The following BBX variants were observed in gnomAD, a reference collection of about 807,000 sequenced individuals.
BBX encodes BBX high mobility group box domain containing.
In BBX, 30 loss-of-function variants were observed where a neutral mutation model predicts 100.2. That is an observed-to-expected ratio of 0.30 (90% CI 0.22 to 0.41). The LOEUF (loss-of-function observed/expected upper bound fraction) is 0.41. BBX is among the 10% of genes least tolerant of loss of function. BBX has a pLI of 1.00. For missense variants in BBX, 1,023 were observed against 1,129.8 expected (o/e 0.91, Z 1.35); for synonymous variants, 376 against 388.1 (o/e 0.97, Z 0.37).
At chr3:107,568,359 G>A (rs2051083389) in intron 2 of BBX, among the ~76,000 whole-genome samples, 1 of 150,326 alleles carries the variant, frequency 6.7e-6, no homozygotes, top group Non-Finnish European at 1.5e-5. Context: ...CCACCTCCCA[G>A]ATTCACGCCA....
chr3:107,596,132 G>A (rs964895822), intron 2 of BBX, among the ~76,000 whole-genome samples: 2 of 152,062 alleles, frequency 1.3e-5, no homozygotes, highest in Admixed American at 6.6e-5. Flanking sequence ...TTGTTTAAGG[G>A]TCAACTGTAT....
intron 2 of BBX, among the ~76,000 whole-genome samples, chr3:107,642,863 A>G (rs1386286437): frequency 1.3e-5 from 2 of 151,918 alleles, no homozygotes; most frequent in Non-Finnish European, 1.5e-5. Flanking sequence ...AATGACTTTT[A>G]TTGAGCTTGA....
intron 2 of BBX, among the ~76,000 whole-genome samples, chr3:107,581,140 G>A (rs984946368): frequency 1.3e-5 from 2 of 151,954 alleles, no homozygotes; most frequent in Non-Finnish European, 2.9e-5. Flanking sequence ...TTTAAACCAA[G>A]CTTTTAATTT....
intron 2 of BBX, among the ~76,000 whole-genome samples, chr3:107,579,704 A>G (rs2052121114): frequency 6.6e-6 from 1 of 152,208 alleles, no homozygotes; most frequent in African/African-American, 2.4e-5. Flanking sequence ...CAGAAAGAAG[A>G]CGTTAAAGGA....
chr3:107,687,149 G>A (rs1027039910), intron 3 of BBX, among the ~76,000 whole-genome samples: 3 of 152,090 alleles, frequency 2.0e-5, no homozygotes, highest in African/African-American at 7.2e-5. Flanking sequence ...TAAAATGTCA[G>A]AAGTTAAAAA....
intron 2 of BBX, among the ~76,000 whole-genome samples, chr3:107,562,523 C>G: frequency 6.6e-6 from 1 of 151,824 alleles, no homozygotes; most frequent in East Asian, 1.9e-4. Flanking sequence ...TTAGTTTTGA[C>G]AGGTTAACTG....
chr3:107,604,232 G>A (rs1440062626), intron 2 of BBX, among the ~76,000 whole-genome samples: 7 of 152,122 alleles, frequency 4.6e-5, no homozygotes, highest in Admixed American at 1.3e-4. Context: ...CATTCCTAGT[G>A]CTATAGCAGC....
chr3:107,719,958 A>G (rs1158636583), intron 5 of BBX, among the ~76,000 whole-genome samples: 1 of 152,040 alleles, frequency 6.6e-6, no homozygotes, highest in Non-Finnish European at 1.5e-5. Flanking sequence ...AACAGAGTAC[A>G]AAGAGGAGGG....
chr3:107,763,283 G>A (rs1194175075), intron 10 of BBX, among the ~76,000 whole-genome samples: 1 of 150,342 alleles, frequency 6.7e-6, no homozygotes, highest in Non-Finnish European at 1.5e-5. Flanking sequence ...GGAGTGCGGT[G>A]GCGCGATCTC....
chr3:107,532,673 T>C (rs1182765156), intron 2 of BBX, among the ~76,000 whole-genome samples: 1 of 152,142 alleles, frequency 6.6e-6, no homozygotes, highest in Non-Finnish European at 1.5e-5. Flanking sequence ...AGACTACAGG[T>C]ATCAGGGTTT....
In BBX at chr3:107,809,688, A is replaced by G. The variant is rs2071215365; in HGVS notation, c.*4231A>G. 1 of 152,262 alleles carries G rather than the reference A, an allele frequency of 6.6e-6. No homozygotes were observed. Among genetic ancestry groups the G allele is most frequent in the Admixed American group, 6.5e-5 (1 of 15,292 alleles). 9.4% of individuals were successfully genotyped at this position (152,262 alleles called of 1,614,324 possible). ...CAATGTATTGCTGAAAATGGGCAGT[A>G]GAAGCAAATGCTGTTGTTACATTTG... On this transcript the variant is annotated 3_prime_UTR_variant, in exon 18 of 18. Transcript: ENST00000325805.
chr3:107,791,677 C>A (rs185418454), intron 15 of BBX, among the ~76,000 whole-genome samples: 2 of 152,274 alleles, frequency 1.3e-5, no homozygotes, highest in East Asian at 3.9e-4. Flanking sequence ...GCAGGAGTAA[C>A]TTCTGACCTG....
At chr3:107,566,261 T>A (rs2050907159) in intron 2 of BBX, among the ~76,000 whole-genome samples, 1 of 151,452 alleles carries the variant, frequency 6.6e-6, no homozygotes, top group Non-Finnish European at 1.5e-5. Context: ...TGTAGTGAAT[T>A]CCATTGATAA....
At chr3:107,749,881 G>A (rs182013505) in intron 9 of BBX, among the ~76,000 whole-genome samples, 2 of 152,132 alleles carry the variant, frequency 1.3e-5, no homozygotes, top group East Asian at 3.9e-4. Flanking sequence ...TGATCCGCCC[G>A]CCTCGGCCTT....
Position 107,553,919 on chromosome 3 carries a change from T to C in BBX, c.-84+27521T>C, listed in dbSNP as rs185837332. On this transcript the variant is annotated intron_variant, in intron 2 of 17. Transcript: ENST00000325805. ...GGTGGACTATGTTCTTTCAGGAAGA[T>C]GGTAGTATTTTAGGTTTGTTATGTG... 3.3e-5 allele frequency among the ~76,000 whole-genome samples: 5 copies of C among 152,334 alleles called. No homozygotes were observed. In the East Asian group the frequency reaches 9.6e-4, roughly 29 times the overall value.
intron 2 of BBX, among the ~76,000 whole-genome samples, chr3:107,624,529 A>G (rs774935861): frequency 1.3e-5 from 2 of 152,236 alleles, no homozygotes; most frequent in Non-Finnish European, 2.9e-5. Context: ...AAAATGTATA[A>G]CATATTAATA....
At chr3:107,529,824 A>ATT (rs879619864) in intron 2 of BBX, among the ~76,000 whole-genome samples, 4 of 144,288 alleles carry the variant, frequency 2.8e-5, no homozygotes, top group African/African-American at 1.0e-4. Flanking sequence ...GATTGTCTTC[A>ATT]TTTTTTTTTT....
At chr3:107,764,967 G>T (rs1417220844) in intron 10 of BBX, among the ~76,000 whole-genome samples, 1 of 152,148 alleles carries the variant, frequency 6.6e-6, no homozygotes, top group Non-Finnish European at 1.5e-5. Context: ...CCCCAAAGTA[G>T]AACTGAGCTT....
intron 3 of BBX, among the ~76,000 whole-genome samples, chr3:107,672,115 T>A (rs1445481122): frequency 2.0e-5 from 3 of 152,080 alleles, no homozygotes; most frequent in Non-Finnish European, 4.4e-5. Context: ...TGAGGCATAA[T>A]CTTATGTCTG....
Sources: allele counts gnomAD v4.1 joint callset (sites outside exome capture counted in the v4.1 genomes callset), GRCh38; gene constraint gnomAD v4.1.1; transcripts MANE v1.5; gene names NCBI Gene and HGNC (gene_info 2026-07-23, HGNC 2026-07-21).